Variants in RAB40C observed in about 807,000 individuals in gnomAD.
RAB40C encodes ras-related protein Rab-40C.
In RAB40C, 8 loss-of-function variants were observed where a neutral mutation model predicts 28.1. The observed-to-expected ratio is 0.28, with a 90% confidence interval of 0.17 to 0.51. The LOEUF is 0.51. Ranked by LOEUF, RAB40C falls within the 20% of genes least tolerant of loss-of-function variation. The pLI is 0.97. For synonymous variants in RAB40C, 201 were observed against 171.7 expected, an observed-to-expected ratio of 1.17 and a Z score of -1.34; for missense variants, 288 against 405.9, an observed-to-expected ratio of 0.71 and a Z score of 2.50.
chr16:601,844 AAG>A (rs1301005727), intron 1 of RAB40C, among the ~76,000 whole-genome samples: 3 of 146,928 alleles, frequency 2.0e-5, no homozygotes, highest in Non-Finnish European at 4.5e-5. Flanking sequence ...AAAAAAAAAA[AAG>A]GCCGGATGCG....
chr16:619,111 G>A (rs1292821016), intron 3 of RAB40C, among the ~76,000 whole-genome samples: 1 of 147,418 alleles, frequency 6.8e-6, no homozygotes, highest in South Asian at 2.2e-4. Flanking sequence ...CAGGTCTGGC[G>A]GGGGCACTGG....
intron 3 of RAB40C, among the ~76,000 whole-genome samples, chr16:622,645 C>G (rs2036744176): frequency 1.3e-5 from 2 of 152,162 alleles, no homozygotes. Context: ...GTAGCTAGAA[C>G]TAGGTGTGCA....
At chr16:594,546 A>G (rs2036070636) in intron 1 of RAB40C, among the ~76,000 whole-genome samples, 1 of 152,122 alleles carries the variant, frequency 6.6e-6, no homozygotes, top group Admixed American at 6.5e-5. Context: ...GTTTCTTCTC[A>G]TCTGGCTTGA....
intron 1 of RAB40C, among the ~76,000 whole-genome samples, chr16:609,554 A>G (rs749396825): frequency 4.7e-4 from 71 of 152,002 alleles, no homozygotes; most frequent in Non-Finnish European, 8.5e-4. Flanking sequence ...GGGTCACCAG[A>G]ATGTGAGGAA....
chr16:592,937 G>A (rs1020383849), intron 1 of RAB40C, among the ~76,000 whole-genome samples: 1 of 152,230 alleles, frequency 6.6e-6, no homozygotes, highest in Admixed American at 6.5e-5. Context: ...TGTGTAAGAC[G>A]TGGAGACCTG....
intron 1 of RAB40C, among the ~76,000 whole-genome samples, chr16:593,793 A>G (rs2036052824): frequency 6.6e-6 from 1 of 152,182 alleles, no homozygotes; most frequent in East Asian, 1.9e-4. Flanking sequence ...AGGTCTGGAA[A>G]GGCTTTCCTT....
intron 1 of RAB40C, among the ~76,000 whole-genome samples, chr16:598,903 T>C (rs1355947723): frequency 1.3e-5 from 2 of 152,188 alleles, no homozygotes; most frequent in Non-Finnish European, 2.9e-5. Context: ...CTCCAGCAGC[T>C]CCAGCAGCGT....
chr16:592,165 T>G (rs1423291403), intron 1 of RAB40C, among the ~76,000 whole-genome samples: 2 of 152,236 alleles, frequency 1.3e-5, no homozygotes, highest in Non-Finnish European at 2.9e-5. Context: ...CCTCTCCTGG[T>G]CCCTGCCCTC....
At chr16:609,631 G>A (rs149017137) in intron 1 of RAB40C, among the ~76,000 whole-genome samples, 2 of 152,150 alleles carry the variant, frequency 1.3e-5, no homozygotes, top group African/African-American at 4.8e-5. Flanking sequence ...CAGAGATACC[G>A]CATCCACGAA....
chr16:620,804 G>A (rs2036698984), intron 3 of RAB40C, among the ~76,000 whole-genome samples: 2 of 112,836 alleles, frequency 1.8e-5, no homozygotes, highest in African/African-American at 3.5e-5. Flanking sequence ...CCCCGCCGAC[G>A]GGCTCCACCG....
In RAB40C at chr16:625,061, G is replaced by A. The variant is rs960720938; in HGVS notation, c.265-371G>A. 18 of 1,295,624 alleles carry A rather than the reference G, an allele frequency of 1.4e-5. No homozygotes were observed. The African/African-American group carries it at 2.4e-4, about 18-fold the overall frequency. 80.3% of individuals were successfully genotyped at this position (1,295,624 alleles called of 1,614,324 possible). A position where few individuals can be genotyped will look rare whatever the true frequency, so the allele number is the denominator to read the frequency against. On this transcript the variant is annotated intron_variant, in intron 3 of 5. Coordinates refer to ENST00000248139, the MANE Select transcript of RAB40C (RefSeq NM_021168.5). ...GCTCTGTCCCAGGTACTCCCGGGGG[G>A]ATTCACTGATGGACTGGCCGAGAGG...
At position 626,093 on chromosome 16, in the gene RAB40C, C is replaced by T; in HGVS notation, c.537C>T (p.Gly179=). Residue 179 remains glycine, a synonymous_variant, in exon 5 of 6, where the codon GGC becomes GGT. Coordinates refer to ENST00000248139, the MANE Select transcript of RAB40C (RefSeq NM_021168.5). The part of the protein sequence containing the change: ...ELSRIVLMRH[G]MEKIWRPNRV... Reference sequence around the variant, plus strand: ...CCCGCATCGTGCTCATGCGGCACGGCATGGAGAAGATCTGGAGGCCCAACC... The same window carrying T: ...CCCGCATCGTGCTCATGCGGCACGGTATGGAGAAGATCTGGAGGCCCAACC... 1.2e-6 allele frequency: 2 copies of T among 1,613,144 alleles called. No homozygotes were observed. Among genetic ancestry groups the T allele is most frequent in the Non-Finnish European group, 1.7e-6 (2 of 1,179,928 alleles).
intron 4 of RAB40C, 38 bp from the exon 5 acceptor site, chr16:625,861 C>A (rs747666714): frequency 1.5e-5 from 24 of 1,565,114 alleles, no homozygotes; most frequent in Non-Finnish European, 2.0e-5. Context: ...GTGGGTGGCA[C>A]CCTGCGTTTG....
chr16:598,421 C>T (rs1255359044), intron 1 of RAB40C, among the ~76,000 whole-genome samples: 12 of 149,882 alleles, frequency 8.0e-5, no homozygotes, highest in African/African-American at 2.9e-4. Flanking sequence ...ATTAGCCGGG[C>T]GTGGTGGCGC....
intron 3 of RAB40C, among the ~76,000 whole-genome samples, chr16:619,122 G>A (rs1166403662): frequency 1.4e-5 from 2 of 147,948 alleles, no homozygotes; most frequent in Non-Finnish European, 3.0e-5. Context: ...GGGGCACTGG[G>A]GCCATGTGTG....
rs2035960938 is a variant in RAB40C at position 590,254 on chromosome 16, T to G, written c.-38T>G. ...CGCCGCGGCCTCACCCGGCGGTGCT[T>G]CGGCAGGCGGCCGGCGCGGGGCGCA... On this transcript the variant is annotated 5_prime_UTR_variant, in exon 1 of 6. Transcript: ENST00000248139. 1.5e-5 allele frequency: 21 copies of G among 1,395,850 alleles called. No homozygotes were observed. Among genetic ancestry groups the G allele is most frequent in the Non-Finnish European group, 2.0e-5 (21 of 1,063,700 alleles). 86.5% of individuals were successfully genotyped at this position (1,395,850 alleles called of 1,614,324 possible). A position where few individuals can be genotyped will look rare whatever the true frequency, so the allele number is the denominator to read the frequency against.
chr16:590,506 C>T (rs1311770700), intron 1 of RAB40C, 73 bp downstream of exon 1: 6 of 1,390,222 alleles, frequency 4.3e-6, no homozygotes, highest in South Asian at 1.6e-5. Context: ...AGCTCGCCCT[C>T]GGCCCGGCCC....
At position 625,483 on chromosome 16, in the gene RAB40C, G is replaced by A. The variant is rs773009600; in HGVS notation, c.316G>A (p.Asp106Asn). 2.2e-5 allele frequency: 35 copies of A among 1,613,358 alleles called. No homozygotes were observed. Among genetic ancestry groups the A allele is most frequent in the South Asian group, 4.4e-5 (4 of 91,052 alleles). Residue 106 changes from aspartate (D) to asparagine (N), a missense_variant, in exon 4 of 6, where the codon GAC (aspartate) becomes AAC (asparagine). Asp to Asn is a conservative substitution (Grantham distance 23, BLOSUM62 1). This residue lies in a region of RAB40C where 153 missense variants were observed against 262.4 expected (regional missense o/e 0.58). Transcript: ENST00000248139. ...ITNRWSFDGI[D>N]RWIKEIDEHA... is the part of the protein sequence containing the mutation. ...CAACCGCTGGTCCTTTGACGGCATC[G>A]ACCGCTGGATCAAGGAGATCGATGA...
Position 595,603 on chromosome 16 carries a change from C to CTT in RAB40C, c.142+5186_142+5187dup, listed in dbSNP as rs746491567. On this transcript the variant is annotated intron_variant, in intron 1 of 5. Transcript: ENST00000248139. ...TGTGGGTCATTATAACTTTTTTCTT[C>CTT]TTTTTTTTTTTTTTTTTGAGACGGA... Among the ~76,000 whole-genome samples, 238 of 138,822 alleles carry CTT rather than the reference C, an allele frequency of 1.7e-3. 3 individuals carry two copies. The highest frequency in any genetic ancestry group is 4.0e-3 in the Admixed American group (55 of 13,904). The allele number at this position is 138,822 out of a possible 152,430, so 91.1% of individuals were successfully genotyped here.
Sources: gnomAD v4.1 joint callset for allele counts (sites outside exome capture counted in the v4.1 genomes callset) on GRCh38, gnomAD v4.1.1 for gene constraint, gnomAD v4.1.1 regional missense constraint, MANE v1.5 for transcripts, NCBI Gene and HGNC (gene_info 2026-07-23, HGNC 2026-07-21) for gene names.